The following EDN1 variants were observed in gnomAD, a reference collection of about 807,000 sequenced individuals.
The protein encoded by EDN1 is endothelin-1.
In EDN1, 11 loss-of-function variants were observed where a neutral mutation model predicts 21.7. That is an observed-to-expected ratio of 0.51 (90% CI 0.32 to 0.84). The LOEUF (loss-of-function observed/expected upper bound fraction) is 0.84, where lower values mean the gene tolerates loss of function less well. Ranked by LOEUF, EDN1 falls within the 40% of genes least tolerant of loss-of-function variation. EDN1 has a pLI of 0.03. For synonymous variants in EDN1, 85 were observed against 90.6 expected (o/e 0.94, Z 0.35); for missense variants, 244 against 262.3 (o/e 0.93, Z 0.48).
chr6:12,272,701 C>T, the EDN1 span, among the ~76,000 whole-genome samples: 48 of 151,682 alleles, frequency 3.2e-4, no homozygotes, highest in Middle Eastern at 3.4e-3. Flanking sequence ...TCCTGACCTC[C>T]GGTGATCCAC....
chr6:12,293,504 G>A (rs1422940887), intron 2 of EDN1, among the ~76,000 whole-genome samples: 1 of 152,140 alleles, frequency 6.6e-6, no homozygotes, highest in African/African-American at 2.4e-5. Context: ...TCCGTGGTTT[G>A]AGTTGAAAAT....
At chr6:12,284,941 A>G in the EDN1 span, among the ~76,000 whole-genome samples, 1 of 152,036 alleles carries the variant, frequency 6.6e-6, no homozygotes, top group African/African-American at 2.4e-5. Context: ...AACTCCCCTC[A>G]CCCTCAAGTG....
At chr6:12,263,134 G>A in the EDN1 span, among the ~76,000 whole-genome samples, 3 of 152,058 alleles carry the variant, frequency 2.0e-5, no homozygotes, top group Non-Finnish European at 4.4e-5. Flanking sequence ...CCCAAATTTT[G>A]AGAAATGGAA....
At chr6:12,260,689 C>T in the EDN1 span, among the ~76,000 whole-genome samples, 5 of 152,218 alleles carry the variant, frequency 3.3e-5, no homozygotes, top group East Asian at 1.9e-4. Flanking sequence ...CTTTTGCCCC[C>T]CTGTCCCTCT....
the EDN1 span, among the ~76,000 whole-genome samples, chr6:12,232,159 T>C: frequency 7.6e-6 from 1 of 131,114 alleles, no homozygotes; most frequent in Non-Finnish European, 1.7e-5. Context: ...TTTATATTTA[T>C]AATATAATAT....
the EDN1 span, among the ~76,000 whole-genome samples, chr6:12,238,510 A>G: frequency 3.7e-4 from 57 of 152,296 alleles, no homozygotes; most frequent in African/African-American, 1.3e-3. Flanking sequence ...GTCAGAGCGC[A>G]TTTGTCAGAG....
At chr6:12,266,738 T>A in the EDN1 span, among the ~76,000 whole-genome samples, 1 of 152,044 alleles carries the variant, frequency 6.6e-6, no homozygotes, top group African/African-American at 2.4e-5. Context: ...GGAAATGCAT[T>A]TCAGGCCTGC....
chr6:12,264,631 G>A, the EDN1 span, among the ~76,000 whole-genome samples: 1 of 151,996 alleles, frequency 6.6e-6, no homozygotes, highest in Admixed American at 6.6e-5. Context: ...AAAAAAAATT[G>A]CAAAAAAACT....
At chr6:12,230,805 G>C in the EDN1 span, among the ~76,000 whole-genome samples, 1 of 152,136 alleles carries the variant, frequency 6.6e-6, no homozygotes, top group East Asian at 1.9e-4. Context: ...TGGCAAATAC[G>C]GAACTTCTGA....
the EDN1 span, among the ~76,000 whole-genome samples, chr6:12,273,846 G>A: frequency 1.6e-4 from 25 of 152,096 alleles, 1 homozygote; most frequent in Middle Eastern, 3.4e-3. Flanking sequence ...GTCTTCCAGC[G>A]TACAATATAG....
chr6:12,231,663 A>G, the EDN1 span, among the ~76,000 whole-genome samples: 1,149 of 152,340 alleles, frequency 7.5e-3, 19 homozygotes, highest in African/African-American at 0.026. Context: ...AATTTATTTT[A>G]TTAAACAGAG....
chr6:12,288,307 G>A (rs1291650490), upstream of EDN1, among the ~76,000 whole-genome samples: 1 of 152,156 alleles, frequency 6.6e-6, no homozygotes, highest in Non-Finnish European at 1.5e-5. Flanking sequence ...TTCCGCGGGA[G>A]TGTTGGGGGG....
At chr6:12,235,758 A>G in the EDN1 span, among the ~76,000 whole-genome samples, 1 of 152,366 alleles carries the variant, frequency 6.6e-6, no homozygotes, top group Non-Finnish European at 1.5e-5. Context: ...ATAGGTGACT[A>G]TTGAGCATTT....
At chr6:12,269,626 T>C in the EDN1 span, among the ~76,000 whole-genome samples, 2 of 152,138 alleles carry the variant, frequency 1.3e-5, no homozygotes, top group Non-Finnish European at 1.5e-5. Context: ...TTAGGTATGC[T>C]GAACCATCCT....
the EDN1 span, among the ~76,000 whole-genome samples, chr6:12,251,323 G>A: frequency 6.6e-6 from 1 of 152,260 alleles, no homozygotes; most frequent in South Asian, 2.1e-4. Context: ...CATAGATCTT[G>A]CTAAAAATCA....
At chr6:12,242,514 A>G in the EDN1 span, among the ~76,000 whole-genome samples, 1 of 152,202 alleles carries the variant, frequency 6.6e-6, no homozygotes, top group Non-Finnish European at 1.5e-5. Flanking sequence ...ATAGGTCTCT[A>G]TATGGACCTA....
intron 4 of EDN1, among the ~76,000 whole-genome samples, chr6:12,294,670 C>A (rs1183808753): frequency 6.6e-6 from 1 of 152,186 alleles, no homozygotes; most frequent in Non-Finnish European, 1.5e-5. Context: ...ATTTCCCAAC[C>A]AAAATATATC....
At chr6:12,268,135 GT>G in the EDN1 span, among the ~76,000 whole-genome samples, 2 of 152,152 alleles carry the variant, frequency 1.3e-5, no homozygotes, top group Non-Finnish European at 2.9e-5. Context: ...AGAGATTAAT[GT>G]TTTCCTACCT....
the EDN1 span, among the ~76,000 whole-genome samples, chr6:12,255,841 T>C: frequency 2.6e-5 from 4 of 152,218 alleles, no homozygotes; most frequent in African/African-American, 9.6e-5. Flanking sequence ...AAAACAAATA[T>C]TGAGAGAGAG....
Sources: allele counts gnomAD v4.1 joint callset (sites outside exome capture counted in the v4.1 genomes callset), GRCh38; gene constraint gnomAD v4.1.1; transcripts MANE v1.5; gene names NCBI Gene and HGNC (gene_info 2026-07-23, HGNC 2026-07-21).